RNASE4: variants seen among roughly 807,000 people sequenced by gnomAD.
RNASE4 encodes the protein ribonuclease A family member 4.
For missense variants in RNASE4, 194 were observed against 192.8 expected (o/e 1.01, Z -0.04); for synonymous variants, 93 against 71.4 (o/e 1.30, Z -1.52).
At chr14:20,693,402 T>A (rs547602524) in intron 1 of RNASE4, 1 of 1,063,252 alleles carries the variant, frequency 9.4e-7, no homozygotes, top group South Asian at 1.4e-5. Flanking sequence ...GTGAGGTTAA[T>A]GAGGAAGGGA....
chr14:20,697,985 G>A (rs1473324333), intron 1 of RNASE4, among the ~76,000 whole-genome samples: 1 of 152,202 alleles, frequency 6.6e-6, no homozygotes, highest in Admixed American at 6.5e-5. Flanking sequence ...AAACTCTGCT[G>A]CTGGGAAGTA....
In RNASE4 at chr14:20,684,577, G is replaced by C. The variant is rs1886331445; in HGVS notation, c.-199G>C. The C allele has an allele frequency of 6.6e-6, 1 of 152,320 alleles. No homozygotes were observed. 9.4% of individuals were successfully genotyped at this position (152,320 alleles called of 1,614,324 possible). Reference sequence around the variant, plus strand: ...CACACCTCACCACGCCCCCATCTCCGTCCGTGTACACACACTCACACAAGG... The same window carrying C: ...CACACCTCACCACGCCCCCATCTCCCTCCGTGTACACACACTCACACAAGG... On this transcript the variant is annotated 5_prime_UTR_variant, in exon 1 of 2. Coordinates refer to ENST00000555835, the MANE Select transcript of RNASE4 (RefSeq NM_002937.5).
intron 1 of RNASE4, among the ~76,000 whole-genome samples, chr14:20,692,883 T>A (rs1000244219): frequency 2.6e-5 from 4 of 152,214 alleles, no homozygotes; most frequent in Non-Finnish European, 5.9e-5. Context: ...AGTCTCGCTC[T>A]GTCGCCAAGG....
At chr14:20,689,076 G>A (rs1886562308) in intron 1 of RNASE4, among the ~76,000 whole-genome samples, 1 of 152,190 alleles carries the variant, frequency 6.6e-6, no homozygotes, top group South Asian at 2.1e-4. Context: ...GAGACTGGGA[G>A]GAAGTGGAAG....
intron 1 of RNASE4, 41 bp from the exon 2 acceptor site, chr14:20,699,314 G>C (rs903414007): frequency 4.0e-6 from 6 of 1,508,702 alleles, no homozygotes; most frequent in Non-Finnish European, 5.3e-6. Flanking sequence ...CCAGTGCCCA[G>C]TTCTTACCTT....
intron 1 of RNASE4, among the ~76,000 whole-genome samples, chr14:20,692,293 C>T (rs1016547495): frequency 5.3e-5 from 8 of 152,200 alleles, no homozygotes; most frequent in Non-Finnish European, 1.0e-4. Flanking sequence ...CATAAACGAA[C>T]AAGAACCACC....
intron 1 of RNASE4, among the ~76,000 whole-genome samples, chr14:20,696,808 A>G (rs1377832110): frequency 2.0e-5 from 3 of 152,076 alleles, no homozygotes; most frequent in Non-Finnish European, 4.4e-5. Flanking sequence ...AGGCGCTTAG[A>G]TTGATTTTCT....
chr14:20,698,487 A>G (rs1887165465), intron 1 of RNASE4, among the ~76,000 whole-genome samples: 1 of 152,210 alleles, frequency 6.6e-6, no homozygotes, highest in Non-Finnish European at 1.5e-5. Flanking sequence ...AGCCTGGGAA[A>G]CATCTTTACT....
Position 20,692,959 on chromosome 14 carries a change from T to C in RNASE4, c.-17-6396T>C, listed in dbSNP as rs1439147616. On this transcript the variant is annotated intron_variant, in intron 1 of 1. Transcript: ENST00000555835. ...GCCTCCCGGGTTCACGCCATTCTCC[T>C]GCCTCAGCCTCCCGAGTAGCTGGGA... 2.6e-5 allele frequency among the ~76,000 whole-genome samples: 4 copies of C among 152,030 alleles called. No individual in the cohort carries two copies. In the South Asian group the frequency reaches 6.2e-4, roughly 24 times the overall value.
chr14:20,686,271 T>C (rs1358214596), intron 1 of RNASE4, among the ~76,000 whole-genome samples: 3 of 152,174 alleles, frequency 2.0e-5, no homozygotes, highest in Non-Finnish European at 2.9e-5. Flanking sequence ...GGAGATGAAC[T>C]ATCGTTTGGC....
intron 1 of RNASE4, among the ~76,000 whole-genome samples, chr14:20,690,957 G>T (rs997015494): frequency 6.6e-6 from 1 of 152,198 alleles, no homozygotes; most frequent in African/African-American, 2.4e-5. Context: ...CAACAGGTCG[G>T]TCTTTATTTT....
intron 1 of RNASE4, among the ~76,000 whole-genome samples, chr14:20,690,104 A>C (rs1026337400): frequency 8.1e-5 from 12 of 147,464 alleles, no homozygotes; most frequent in Non-Finnish European, 1.6e-4. Flanking sequence ...AGTCCCAGCT[A>C]CTCGGGAGGC....
intron 1 of RNASE4, among the ~76,000 whole-genome samples, chr14:20,686,125 T>C (rs1001965931): frequency 6.6e-6 from 1 of 152,042 alleles, no homozygotes; most frequent in Admixed American, 6.6e-5. Flanking sequence ...AATACATGTC[T>C]CTTTCTCTGT....
chr14:20,689,736 G>A (rs1018910721), intron 1 of RNASE4, among the ~76,000 whole-genome samples: 2 of 152,074 alleles, frequency 1.3e-5, no homozygotes, highest in African/African-American at 4.8e-5. Flanking sequence ...GGCCGACATG[G>A]CGAAACCCCG....
intron 1 of RNASE4, among the ~76,000 whole-genome samples, chr14:20,696,255 A>G (rs1887090432): frequency 1.3e-5 from 2 of 152,210 alleles, no homozygotes; most frequent in Admixed American, 1.3e-4. Flanking sequence ...AGGAAATCAC[A>G]TGGCAGTGGG....
chr14:20,690,239 A>AAAAAAAAG (rs1886667168), intron 1 of RNASE4, among the ~76,000 whole-genome samples: 2 of 149,734 alleles, frequency 1.3e-5, no homozygotes, highest in African/African-American at 4.9e-5. Flanking sequence ...AAAAAAAAAA[A>AAAAAAAAG]AAAAAAAAAG....
chr14:20,685,515 AGC>A (rs1886381693), intron 1 of RNASE4, among the ~76,000 whole-genome samples: 1 of 152,232 alleles, frequency 6.6e-6, no homozygotes, highest in Non-Finnish European at 1.5e-5. Context: ...CCTTCCCAGA[AGC>A]AGCCTCAGGT....
chr14:20,699,447 T>C lies in RNASE4; in HGVS notation c.76T>C (p.Ser26Pro). Residue 26 changes from serine (S) to proline (P), a missense_variant, in exon 2 of 2, where the codon TCC becomes CCC. Coordinates refer to ENST00000555835, the MANE Select transcript of RNASE4 (RefSeq NM_002937.5). The part of the protein sequence containing the change: ...TLLGLGLVQP[S>P]YGQDGMYQRF... ...GCTGGGGCTGGGGCTGGTCCAGCCC[T>C]CCTATGGCCAGGATGGCATGTACCA... is the stretch of plus-strand genomic sequence containing the variant. 1 of 1,613,266 alleles carries C rather than the reference T, an allele frequency of 6.2e-7. No individual in the cohort carries two copies.
chr14:20,689,868 A>G (rs1250987028), intron 1 of RNASE4, among the ~76,000 whole-genome samples: 1 of 149,144 alleles, frequency 6.7e-6, no homozygotes, highest in Non-Finnish European at 1.5e-5. Flanking sequence ...GTGAGCCAAG[A>G]TAGCACCACT....
Sources: gnomAD v4.1 joint callset for allele counts (sites outside exome capture counted in the v4.1 genomes callset) on GRCh38, gnomAD v4.1.1 for gene constraint, MANE v1.5 for transcripts, NCBI Gene and HGNC (gene_info 2026-07-23, HGNC 2026-07-21) for gene names.